BRINP3: variants seen among roughly 807,000 people sequenced by gnomAD.
BRINP3 encodes the protein BMP/retinoic acid inducible neural specific 3.
Under a neutral mutation model 71.0 loss-of-function variants are expected in BRINP3, and 19 were observed. The ratio of observed to expected loss-of-function variants is 0.27; its 90% CI spans 0.19 to 0.39. The LOEUF is 0.39. Among genes scored for constraint, BRINP3 ranks in the 10% least tolerant of loss-of-function variants. BRINP3 has a pLI of 1.00. For missense variants in BRINP3, 959 were observed against 940.8 expected (o/e 1.02, Z -0.25); for synonymous variants, 380 against 337.7 (o/e 1.13, Z -1.37).
At chr1:190,210,716 T>C (rs1819496) in intron 6 of BRINP3, among the ~76,000 whole-genome samples, 62,607 of 151,816 alleles carry the variant, frequency 0.41, 13,611 homozygotes, top group Non-Finnish European at 0.49. Context: ...TTAATACTGA[T>C]TGTCAACTTG....
chr1:190,367,845 A>G (rs1148611), intron 2 of BRINP3, among the ~76,000 whole-genome samples: 55,093 of 152,016 alleles, frequency 0.36, 11,033 homozygotes, highest in Admixed American at 0.48. Flanking sequence ...CCATATCACT[A>G]GCAGCATTTT....
intron 7 of BRINP3, among the ~76,000 whole-genome samples, chr1:190,120,900 C>T (rs939422783): frequency 6.6e-6 from 1 of 152,024 alleles, no homozygotes; most frequent in Non-Finnish European, 1.5e-5. Flanking sequence ...TAAGCATTCA[C>T]AATGCCAACA....
intron 2 of BRINP3, among the ~76,000 whole-genome samples, chr1:190,447,942 A>G (rs954103196): frequency 6.6e-6 from 1 of 151,724 alleles, no homozygotes; most frequent in African/African-American, 2.4e-5. Context: ...AAACCTTTAC[A>G]CAAGAGATAC....
At chr1:190,477,326 C>T (rs1346709717) in intron 1 of BRINP3, 122 bp downstream of exon 1, 1 of 151,946 alleles carries the variant, frequency 6.6e-6, no homozygotes, top group African/African-American at 2.4e-5. Flanking sequence ...TAAATATGGC[C>T]ATATGGATCT....
intron 7 of BRINP3, among the ~76,000 whole-genome samples, chr1:190,158,120 C>T (rs1434669454): frequency 4.6e-5 from 7 of 151,928 alleles, no homozygotes; most frequent in Admixed American, 1.3e-4. Flanking sequence ...TGGAAGGGAC[C>T]CCGTGGGAGG....
intron 6 of BRINP3, chr1:190,217,079 A>C (rs973781867): frequency 4.6e-5 from 7 of 151,962 alleles, no homozygotes; most frequent in African/African-American, 1.7e-4. Context: ...TCAAGCCTGT[A>C]GATAAGAATA....
Position 190,411,288 on chromosome 1 carries a change from T to C in BRINP3, c.236+43367A>G, listed in dbSNP as rs539541568. On this transcript the variant is annotated intron_variant, in intron 2 of 7. Coordinates refer to ENST00000367462, the MANE Select transcript of BRINP3 (RefSeq NM_199051.3). ...GAAACTGAATACCTACCTCACCCCA[T>C]AGAAATCAGGTATACTTAATACTTG... Among the ~76,000 whole-genome samples the C allele has an allele frequency of 9.2e-5, 14 of 152,242 alleles. No individual in the cohort carries two copies. In the East Asian group the frequency reaches 2.7e-3, roughly 29 times the overall value.
chr1:190,221,623 G>T (rs1656900836), intron 6 of BRINP3, among the ~76,000 whole-genome samples: 1 of 152,098 alleles, frequency 6.6e-6, no homozygotes, highest in African/African-American at 2.4e-5. Flanking sequence ...GTGTATAGTG[G>T]CTGAATGAAT....
intron 7 of BRINP3, among the ~76,000 whole-genome samples, chr1:190,130,171 A>C (rs1490224997): frequency 3.9e-5 from 6 of 151,948 alleles, no homozygotes. Context: ...AATTGACCCA[A>C]ATCTTTGAGC....
At chr1:190,162,051 C>A (rs907709722) in intron 6 of BRINP3, among the ~76,000 whole-genome samples, 2 of 151,950 alleles carry the variant, frequency 1.3e-5, no homozygotes, top group Admixed American at 1.3e-4. Context: ...AAGGAATAGA[C>A]TTTTATCTGA....
intron 1 of BRINP3, among the ~76,000 whole-genome samples, chr1:190,472,672 T>C (rs1019857858): frequency 7.2e-5 from 11 of 151,778 alleles, no homozygotes; most frequent in Non-Finnish European, 1.5e-4. Flanking sequence ...AGGTTGATAA[T>C]GAAACATAAA....
Position 190,126,588 on chromosome 1 carries a change from G to GT in BRINP3, c.1185-27455dup, listed in dbSNP as rs544381075. On this transcript the variant is annotated intron_variant, in intron 7 of 7. Transcript: ENST00000367462. ...ATTCCCAGTTCACTGACGATGCTCA[G>GT]TGTCTTTGCATTTGATATTTATTTC... 9.9e-4 allele frequency among the ~76,000 whole-genome samples: 150 copies of GT among 152,012 alleles called. 1 individual carries two copies. Among genetic ancestry groups the GT allele is most frequent in the Non-Finnish European group, 8.8e-4 (60 of 67,896 alleles).
Position 190,098,168 on chromosome 1 carries a change from A to G in BRINP3, c.2151T>C (p.Gly717=), listed in dbSNP as rs1293602800. 2 of 1,614,060 alleles carry G rather than the reference A, an allele frequency of 1.2e-6. No individual in the cohort carries two copies. Among genetic ancestry groups the G allele is most frequent in the Admixed American group, 3.3e-5 (2 of 60,004 alleles). The change falls in exon 8 of 8, where the codon GGT becomes GGC. Residue 717 remains glycine, a synonymous_variant. Coordinates refer to ENST00000367462, the MANE Select transcript of BRINP3 (RefSeq NM_199051.3). The stretch of plus-strand genomic sequence containing the variant: ...AAGAGAAAAGATCTAGACGACGCTG[A>G]CCAGGTGGGGAGAGTTTATTTACAC... The part of the protein sequence containing the change: ...RDRVNKLSPP[G]QRRLDLFSCL...
At chr1:190,207,306 G>C (rs965598819) in intron 6 of BRINP3, among the ~76,000 whole-genome samples, 2 of 152,082 alleles carry the variant, frequency 1.3e-5, no homozygotes, top group Non-Finnish European at 2.9e-5. Flanking sequence ...TGCATAGCCA[G>C]TGCGACAAAT....
chr1:190,246,352 AG>A lies in BRINP3; in HGVS notation c.619-11876del, dbSNP rs1421331278. On this transcript the variant is annotated intron_variant, in intron 4 of 7. Transcript: ENST00000367462. ...CTTCATGAAGCTTTAATTGGCATCAAGGGTTTCTTAGATTGCAGCCAATCCA... is the reference window on the plus strand; with the variant it reads ...CTTCATGAAGCTTTAATTGGCATCAAGGTTTCTTAGATTGCAGCCAATCCA... Among the ~76,000 whole-genome samples, 6 of 151,992 alleles carry A rather than the reference AG, an allele frequency of 3.9e-5. No homozygotes were observed. The East Asian group carries it at 5.8e-4, about 15-fold the overall frequency.
At chr1:190,131,021 A>G (rs982404217) in intron 7 of BRINP3, among the ~76,000 whole-genome samples, 2 of 151,866 alleles carry the variant, frequency 1.3e-5, no homozygotes, top group African/African-American at 4.8e-5. Flanking sequence ...AAGCAAATCC[A>G]TATTGTGTTC....
intron 7 of BRINP3, among the ~76,000 whole-genome samples, chr1:190,099,441 C>T (rs1224623385): frequency 1.3e-5 from 2 of 152,056 alleles, no homozygotes; most frequent in Admixed American, 6.6e-5. Flanking sequence ...ACATTGCATG[C>T]TATCTCATTA....
intron 5 of BRINP3, among the ~76,000 whole-genome samples, chr1:190,229,958 A>C (rs764883500): frequency 6.6e-6 from 1 of 152,004 alleles, no homozygotes; most frequent in African/African-American, 2.4e-5. Context: ...AAAACAGACA[A>C]TATGGCAAGG....
chr1:190,172,145 T>A, intron 6 of BRINP3, among the ~76,000 whole-genome samples: 1 of 147,538 alleles, frequency 6.8e-6, no homozygotes, highest in East Asian at 2.0e-4. Context: ...TAGTTTTACA[T>A]ATAGTGGAAC....
Sources: gnomAD v4.1 joint callset for allele counts (sites outside exome capture counted in the v4.1 genomes callset) on GRCh38, gnomAD v4.1.1 for gene constraint, MANE v1.5 for transcripts, NCBI Gene and HGNC (gene_info 2026-07-23, HGNC 2026-07-21) for gene names.